CASR: variants seen among roughly 807,000 people sequenced by gnomAD.
CASR encodes extracellular calcium-sensing receptor.
A neutral mutation model predicts 69.1 loss-of-function variants in CASR; 23 were observed. The observed-to-expected ratio is 0.33, with a 90% CI of 0.24 to 0.47. The LOEUF (loss-of-function observed/expected upper bound fraction) is 0.47, where lower values mean the gene tolerates loss of function less well. Ranked by LOEUF, CASR falls within the 20% of genes least tolerant of loss-of-function variation. The pLI is 1.00. For missense variants in CASR, 924 were observed against 1,356.1 expected (o/e 0.68, Z 5.00); for synonymous variants, 541 against 544.7 (o/e 0.99, Z 0.10).
intron 4 of CASR, 82 bp from the exon 5 acceptor site, chr3:122,275,730 C>T (rs771855833): frequency 6.0e-5 from 54 of 902,130 alleles, no homozygotes; most frequent in Non-Finnish European, 9.2e-5. Context: ...GATAGTCTAC[C>T]GTTGTTGTGC....
At chr3:122,186,020 T>C (rs927562341) in intron 1 of CASR, among the ~76,000 whole-genome samples, 1 of 152,056 alleles carries the variant, frequency 6.6e-6, no homozygotes, top group Non-Finnish European at 1.5e-5. Flanking sequence ...CCAAGACTTC[T>C]ATGCTAGACC....
Position 122,285,361 on chromosome 3 carries a change from C to A in CASR, c.*170C>A. On this transcript the variant is annotated 3_prime_UTR_variant, in exon 7 of 7. Coordinates refer to ENST00000639785, the MANE Select transcript of CASR (RefSeq NM_000388.4). ...AATGACAGTGAATTGACCCATGTTC[C>A]CTTTAAAATTAAAAAAAAGAAGAGC... The A allele has an allele frequency of 3.3e-6, 2 of 605,052 alleles. No individual in the cohort carries two copies. The highest frequency in any genetic ancestry group is 2.0e-5 in the South Asian group (1 of 49,446). 37.5% of individuals were successfully genotyped at this position (605,052 alleles called of 1,614,324 possible). A position where few individuals can be genotyped will look rare whatever the true frequency, so the allele number is the denominator to read the frequency against.
intron 3 of CASR, among the ~76,000 whole-genome samples, chr3:122,260,588 CTA>C (rs1375720551): frequency 6.6e-6 from 1 of 152,088 alleles, no homozygotes; most frequent in Non-Finnish European, 1.5e-5. Context: ...AGTGGGTCTG[CTA>C]ACAATGAGTT....
At position 122,213,596 on chromosome 3, in the gene CASR, G is replaced by C. The variant is rs559148913; in HGVS notation, c.-243+29784G>C. Among the ~76,000 whole-genome samples the C allele has an allele frequency of 4.6e-5, 7 of 152,290 alleles. No individual in the cohort carries two copies. The East Asian group carries it at 1.3e-3, about 29-fold the overall frequency. On this transcript the variant is annotated intron_variant, in intron 1 of 6. Coordinates refer to ENST00000639785, the MANE Select transcript of CASR (RefSeq NM_000388.4). ...TACCCCATATGAATTCTGGGCCAAGGCTGAGTATGATACGTCTCTTGGTCC... is the reference window on the plus strand; with the variant it reads ...TACCCCATATGAATTCTGGGCCAAGCCTGAGTATGATACGTCTCTTGGTCC...
intron 1 of CASR, among the ~76,000 whole-genome samples, chr3:122,243,620 C>A (rs768655009): frequency 2.6e-5 from 4 of 152,040 alleles, no homozygotes; most frequent in Middle Eastern, 3.4e-3. Context: ...TTTGGAGGCC[C>A]CTCAAAAAAC....
intron 1 of CASR, among the ~76,000 whole-genome samples, chr3:122,207,551 AAC>A (rs1450899355): frequency 6.6e-6 from 1 of 152,150 alleles, no homozygotes; most frequent in Non-Finnish European, 1.5e-5. Context: ...ATGGAAATTA[AAC>A]ACTATGTTTC....
At chr3:122,216,410 TG>T (rs2074118071) in intron 1 of CASR, among the ~76,000 whole-genome samples, 1 of 152,234 alleles carries the variant, frequency 6.6e-6, no homozygotes, top group African/African-American at 2.4e-5. Context: ...GCAACCTGTG[TG>T]GCAAATGACT....
chr3:122,207,238 C>T (rs1459196710), intron 1 of CASR, among the ~76,000 whole-genome samples: 2 of 151,946 alleles, frequency 1.3e-5, no homozygotes, highest in Non-Finnish European at 2.9e-5. Flanking sequence ...AGGACTTTAA[C>T]ACCTCATGCT....
chr3:122,248,115 C>T (rs1576847211), intron 1 of CASR, among the ~76,000 whole-genome samples: 2 of 152,178 alleles, frequency 1.3e-5, no homozygotes, highest in African/African-American at 4.8e-5. Context: ...CCAAGGGTGA[C>T]CGGGCAATTT....
At chr3:122,252,449 A>AAAGAAAGAAAGAGAAAG (rs1559954421) in intron 1 of CASR, among the ~76,000 whole-genome samples, 1 of 54,534 alleles carries the variant, frequency 1.8e-5, no homozygotes, top group African/African-American at 7.6e-5. Context: ...AAGAAAGAAA[A>AAAGAAAGAAAGAGAAAG]AAAAGAAAAG....
intron 1 of CASR, among the ~76,000 whole-genome samples, chr3:122,192,288 C>G (rs1338258229): frequency 6.6e-6 from 1 of 152,198 alleles, no homozygotes; most frequent in African/African-American, 2.4e-5. Flanking sequence ...TCTCCAGGCT[C>G]TACTTTTTTC....
At chr3:122,211,448 A>T (rs757984700) in intron 1 of CASR, among the ~76,000 whole-genome samples, 4 of 152,198 alleles carry the variant, frequency 2.6e-5, no homozygotes, top group African/African-American at 4.8e-5. Flanking sequence ...GGGCTCACAC[A>T]TGTAATCCCA....
intron 1 of CASR, among the ~76,000 whole-genome samples, chr3:122,252,445 G>GAAAGAAAGAAAGAAAGAAAGAAAGAAAA (rs1559954401): frequency 7.4e-5 from 5 of 67,778 alleles, no homozygotes; most frequent in African/African-American, 2.0e-4. Context: ...AAGAAAGAAA[G>GAAAGAAAGAAAGAAAGAAAGAAAGAAAA]AAAAAAAAGA....
chr3:122,225,723 G>T (rs756976394), intron 1 of CASR, among the ~76,000 whole-genome samples: 4 of 152,146 alleles, frequency 2.6e-5, no homozygotes, highest in Admixed American at 2.6e-4. Context: ...CCACTACTGG[G>T]TATACACCCA....
At chr3:122,186,430 T>C (rs1193163160) in intron 1 of CASR, among the ~76,000 whole-genome samples, 1 of 152,186 alleles carries the variant, frequency 6.6e-6, no homozygotes, top group African/African-American at 2.4e-5. Flanking sequence ...AGGAGTTGCA[T>C]ATAATTCTTA....
At chr3:122,263,071 G>A (rs1231764007) in intron 4 of CASR, among the ~76,000 whole-genome samples, 1 of 152,226 alleles carries the variant, frequency 6.6e-6, no homozygotes, top group African/African-American at 2.4e-5. Context: ...ACACACAGGA[G>A]AGACATCATA....
intron 4 of CASR, among the ~76,000 whole-genome samples, chr3:122,263,759 C>T (rs1382663003): frequency 6.6e-6 from 1 of 152,164 alleles, no homozygotes; most frequent in Non-Finnish European, 1.5e-5. Flanking sequence ...CTGTGGGGTA[C>T]TCAGAGCTTC....
chr3:122,270,274 C>T (rs919413145), intron 4 of CASR, among the ~76,000 whole-genome samples: 2 of 152,188 alleles, frequency 1.3e-5, no homozygotes, highest in African/African-American at 2.4e-5. Context: ...AATTTACTGG[C>T]ATAAGTTTAT....
intron 1 of CASR, among the ~76,000 whole-genome samples, chr3:122,239,595 CA>C (rs1178600930): frequency 1.4e-4 from 21 of 152,340 alleles, no homozygotes; most frequent in African/African-American, 5.0e-4. Flanking sequence ...GTAGTGGTTA[CA>C]GCAGGCCTGG....
Sources: gnomAD v4.1 joint callset for allele counts (sites outside exome capture counted in the v4.1 genomes callset) on GRCh38, gnomAD v4.1.1 for gene constraint, MANE v1.5 for transcripts, NCBI Gene and HGNC (gene_info 2026-07-23, HGNC 2026-07-21) for gene names.